Variants in NALF1 observed in about 807,000 individuals in gnomAD.
NALF1 encodes family with sequence similarity 155 member A.
In NALF1, 3 loss-of-function variants were observed where a neutral mutation model predicts 48.4. The ratio of observed to expected loss-of-function variants is 0.06; its 90% CI spans 0.03 to 0.16. The LOEUF (loss-of-function observed/expected upper bound fraction) is 0.16, where lower values mean the gene tolerates loss of function less well. NALF1 is among the 10% of genes least tolerant of loss of function. NALF1 has a pLI of 1.00. For synonymous variants in NALF1, 262 were observed against 245.7 expected, an observed-to-expected ratio of 1.07 and a Z score of -0.62; for missense variants, 526 against 571.5, an observed-to-expected ratio of 0.92 and a Z score of 0.81.
chr13:107,297,898 G>C (rs929825064), intron 1 of NALF1, among the ~76,000 whole-genome samples: 15 of 152,100 alleles, frequency 9.9e-5, no homozygotes, highest in African/African-American at 3.4e-4. Flanking sequence ...TATTTTCATA[G>C]ATTCACACAG....
In NALF1 at chr13:107,168,147, G is replaced by A. The variant is rs1276141130; in HGVS notation, c.*2350C>T. The stretch of plus-strand genomic sequence containing the variant: ...CATGGAGTGGCCTTACCACAGCAGA[G>A]GTAGATAAAGGTCAGAACAGACTCC... On this transcript the variant is annotated 3_prime_UTR_variant, in exon 3 of 3. Coordinates refer to ENST00000375915, the MANE Select transcript of NALF1 (RefSeq NM_001080396.3). 1 of 152,214 alleles carries A rather than the reference G, an allele frequency of 6.6e-6. No individual in the cohort carries two copies. Among genetic ancestry groups the A allele is most frequent in the African/African-American group, 2.4e-5 (1 of 41,412 alleles). 9.4% of individuals were successfully genotyped at this position (152,214 alleles called of 1,614,324 possible).
At chr13:107,260,635 T>C (rs943645090) in intron 1 of NALF1, among the ~76,000 whole-genome samples, 2 of 152,218 alleles carry the variant, frequency 1.3e-5, no homozygotes, top group African/African-American at 4.8e-5. Context: ...TTATTTAGGA[T>C]AACTTAGCAG....
chr13:107,217,354 T>C (rs1445692109), intron 1 of NALF1, among the ~76,000 whole-genome samples: 1 of 152,168 alleles, frequency 6.6e-6, no homozygotes. Context: ...TTCTCCATCT[T>C]CATTTGTTTG....
At chr13:107,770,107 G>A (rs1157418129) in intron 1 of NALF1, among the ~76,000 whole-genome samples, 1 of 152,042 alleles carries the variant, frequency 6.6e-6, no homozygotes, top group Non-Finnish European at 1.5e-5. Context: ...TAGAGACGGG[G>A]TTTCGCCGTG....
At chr13:107,177,536 A>G (rs965447144) in intron 2 of NALF1, among the ~76,000 whole-genome samples, 5 of 152,178 alleles carry the variant, frequency 3.3e-5, no homozygotes, top group African/African-American at 1.2e-4. Context: ...TGATATTAAC[A>G]TACAAAGACA....
At chr13:107,576,425 C>A (rs1457001914) in intron 1 of NALF1, among the ~76,000 whole-genome samples, 2 of 152,082 alleles carry the variant, frequency 1.3e-5, no homozygotes, top group African/African-American at 4.8e-5. Flanking sequence ...TAAGTTTATA[C>A]CCTACTACAT....
chr13:107,454,611 A>T (rs2139037903), intron 1 of NALF1, among the ~76,000 whole-genome samples: 1 of 152,314 alleles, frequency 6.6e-6, no homozygotes, highest in South Asian at 2.1e-4. Context: ...CACAAAGTCT[A>T]ACCATATCAC....
intron 1 of NALF1, among the ~76,000 whole-genome samples, chr13:107,611,768 A>C (rs1879228896): frequency 6.6e-6 from 1 of 151,364 alleles, no homozygotes; most frequent in Non-Finnish European, 1.5e-5. Context: ...AAAAGAGAAC[A>C]AAAAATTAGC....
intron 1 of NALF1, among the ~76,000 whole-genome samples, chr13:107,837,704 G>A (rs947523927): frequency 1.3e-5 from 2 of 151,990 alleles, no homozygotes; most frequent in African/African-American, 4.8e-5. Context: ...AGGAGTCAGC[G>A]TGACATCTGC....
At chr13:107,574,948 C>T (rs997947986) in intron 1 of NALF1, among the ~76,000 whole-genome samples, 1 of 152,088 alleles carries the variant, frequency 6.6e-6, no homozygotes, top group Admixed American at 6.6e-5. Flanking sequence ...ATTATTCTTA[C>T]AGTTGAAATA....
intron 1 of NALF1, among the ~76,000 whole-genome samples, chr13:107,376,170 C>T (rs980733258): frequency 3.3e-5 from 5 of 152,144 alleles, no homozygotes; most frequent in African/African-American, 7.2e-5. Flanking sequence ...GAACTTTGCG[C>T]GCCCTTTCCT....
At chr13:107,746,594 C>G (rs564825496) in intron 1 of NALF1, among the ~76,000 whole-genome samples, 14 of 152,234 alleles carry the variant, frequency 9.2e-5, no homozygotes, top group Admixed American at 2.6e-4. Context: ...AGGAATTTTA[C>G]TATCAAGAAA....
At chr13:107,295,391 T>C (rs1365333892) in intron 1 of NALF1, among the ~76,000 whole-genome samples, 1 of 152,250 alleles carries the variant, frequency 6.6e-6, no homozygotes, top group East Asian at 1.9e-4. Context: ...AATCCACCAT[T>C]GATGGACGCC....
At chr13:107,217,775 C>G (rs930333201) in intron 1 of NALF1, among the ~76,000 whole-genome samples, 4 of 152,114 alleles carry the variant, frequency 2.6e-5, no homozygotes, top group African/African-American at 9.7e-5. Context: ...CTACTGACAC[C>G]AGTGCTGCTC....
intron 1 of NALF1, among the ~76,000 whole-genome samples, chr13:107,773,704 G>C (rs1877643468): frequency 1.9e-5 from 2 of 104,606 alleles, no homozygotes; most frequent in African/African-American, 7.9e-5. Flanking sequence ...ACAGGAAGGG[G>C]AACATCGCAC....
chr13:107,603,689 C>T (rs961651414), intron 1 of NALF1, among the ~76,000 whole-genome samples: 1 of 152,096 alleles, frequency 6.6e-6, no homozygotes, highest in Non-Finnish European at 1.5e-5. Context: ...AAACTAAAAT[C>T]CTTGGACTAT....
At chr13:107,423,588 TTTTC>T (rs778826928) in intron 1 of NALF1, among the ~76,000 whole-genome samples, 1 of 152,106 alleles carries the variant, frequency 6.6e-6, no homozygotes, top group African/African-American at 2.4e-5. Flanking sequence ...GAAAACAAAA[TTTTC>T]TTTATTTTCT....
rs186582570 is a variant in NALF1 at position 107,224,718 on chromosome 13, C to G, written c.916-13963G>C. On this transcript the variant is annotated intron_variant, in intron 1 of 2. Transcript: ENST00000375915. ...CTCAAAGATAATTTTAAATCAATAA[C>G]AATGATAAAGATTTATGGCTTAGTA... Among the ~76,000 whole-genome samples the G allele has an allele frequency of 1.2e-4, 18 of 152,078 alleles. No homozygotes were observed. In the East Asian group the frequency reaches 2.5e-3, roughly 21 times the overall value.
intron 1 of NALF1, among the ~76,000 whole-genome samples, chr13:107,543,495 G>GA (rs997660425): frequency 6.6e-6 from 1 of 151,830 alleles, no homozygotes; most frequent in Non-Finnish European, 1.5e-5. Flanking sequence ...TATCTTCCTA[G>GA]AAAAAAATCT....
Sources: gnomAD v4.1 joint callset for allele counts (sites outside exome capture counted in the v4.1 genomes callset) on GRCh38, gnomAD v4.1.1 for gene constraint, MANE v1.5 for transcripts, NCBI Gene and HGNC (gene_info 2026-07-23, HGNC 2026-07-21) for gene names.